Variants in PRLR observed in about 807,000 individuals in gnomAD.
PRLR encodes the protein prolactin receptor, also known as hPRL receptor.
A neutral mutation model predicts 40.2 loss-of-function variants in PRLR; 13 were observed. That is an observed-to-expected ratio of 0.32 (90% CI 0.21 to 0.51). The LOEUF (loss-of-function observed/expected upper bound fraction) is 0.51, where lower values mean the gene tolerates loss of function less well. PRLR is among the 20% of genes least tolerant of loss of function. The pLI, the probability that PRLR is intolerant of heterozygous loss-of-function variation, is 0.97. For missense variants in PRLR, 656 were observed against 747.3 expected (o/e 0.88, Z 1.42); for synonymous variants, 269 against 278.7 (o/e 0.97, Z 0.35).
rs1769831105 is a variant in PRLR, at chr5:35,072,709, C to T, written c.409G>A (p.Val137Ile). The T allele has an allele frequency of 6.2e-7, 1 of 1,614,064 alleles. No individual in the cohort carries two copies. Among genetic ancestry groups the T allele is most frequent in the Non-Finnish European group, 8.5e-7 (1 of 1,180,020 alleles). Reference sequence around the variant, plus strand: ...GGTTTTCTGTCTTCTGGCTGTTTTACTTCCACAGCCAGCTCCAAAGGAGGG... The same window carrying T: ...GGTTTTCTGTCTTCTGGCTGTTTTATTTCCACAGCCAGCTCCAAAGGAGGG... ...PDPPLELAVE[V>I]KQPEDRKPYL... The change falls in exon 6 of 10, where the codon GTA becomes ATA. Residue 137 changes from valine to isoleucine, a missense_variant. By Grantham distance (29) the Val-to-Ile change is conservative. Coordinates refer to ENST00000618457, the MANE Select transcript of PRLR (RefSeq NM_000949.7).
At chr5:35,094,839 T>C (rs1019297107) in intron 2 of PRLR, among the ~76,000 whole-genome samples, 1 of 150,198 alleles carries the variant, frequency 6.7e-6, no homozygotes, top group Non-Finnish European at 1.5e-5. Flanking sequence ...TTTTTTTTTT[T>C]TTTTTTGAGA....
In PRLR at chr5:35,057,504, T is replaced by C. The variant is rs1456974716; in HGVS notation, c.*7585A>G. The C allele has an allele frequency of 6.6e-6, 1 of 152,180 alleles. No individual in the cohort carries two copies. The highest frequency in any genetic ancestry group is 1.9e-4 in the East Asian group (1 of 5,196). 9.4% of individuals were successfully genotyped at this position (152,180 alleles called of 1,614,324 possible). A position where few individuals can be genotyped will look rare whatever the true frequency, so the allele number is the denominator to read the frequency against. ...AACTAACATATTATATTGGGATGTC[T>C]AAGATTTTGTTTGGCAGGCATTGGT... On this transcript the variant is annotated 3_prime_UTR_variant, in exon 10 of 10. Coordinates refer to ENST00000618457, the MANE Select transcript of PRLR (RefSeq NM_000949.7).
chr5:35,090,789 CTCTTTTTTTTTTT>C (rs1771150806), intron 2 of PRLR, among the ~76,000 whole-genome samples: 10 of 105,104 alleles, frequency 9.5e-5, no homozygotes, highest in African/African-American at 3.3e-4. Flanking sequence ...CATCAATTAG[CTCTTTTTTTTTTT>C]TTTTTTTTTT....
chr5:35,153,741 G>GCACACACTA (rs1299768769), intron 1 of PRLR, among the ~76,000 whole-genome samples: 3 of 143,454 alleles, frequency 2.1e-5, no homozygotes, highest in Non-Finnish European at 4.6e-5. Context: ...CACACACACT[G>GCACACACTA]CACACACTAC....
At chr5:35,169,517 T>G (rs1429730865) in intron 1 of PRLR, among the ~76,000 whole-genome samples, 2 of 152,198 alleles carry the variant, frequency 1.3e-5, no homozygotes, top group South Asian at 4.1e-4. Flanking sequence ...TGGTGGAAAC[T>G]GGATCCCTAC....
At chr5:35,128,643 G>C (rs1052264711) in intron 1 of PRLR, among the ~76,000 whole-genome samples, 1 of 151,922 alleles carries the variant, frequency 6.6e-6, no homozygotes, top group Non-Finnish European at 1.5e-5. Context: ...TCACAATAAA[G>C]CTGCTTAAAA....
chr5:35,165,473 G>T (rs1309671836), intron 1 of PRLR, among the ~76,000 whole-genome samples: 1 of 152,162 alleles, frequency 6.6e-6, no homozygotes, highest in African/African-American at 2.4e-5. Context: ...TTACACAAAG[G>T]TTCTTTAGGT....
At chr5:35,213,492 T>G (rs1391610149) in intron 1 of PRLR, among the ~76,000 whole-genome samples, 1 of 152,234 alleles carries the variant, frequency 6.6e-6, no homozygotes, top group Admixed American at 6.5e-5. Context: ...TACTGCTGTT[T>G]CTTTAGCTAT....
At chr5:35,113,122 C>G (rs1382417363) in intron 2 of PRLR, among the ~76,000 whole-genome samples, 1 of 151,496 alleles carries the variant, frequency 6.6e-6, no homozygotes, top group East Asian at 1.9e-4. Flanking sequence ...ATCAACCCGC[C>G]CACCCATTTA....
At chr5:35,211,567 T>A (rs912682294) in intron 1 of PRLR, among the ~76,000 whole-genome samples, 2 of 152,166 alleles carry the variant, frequency 1.3e-5, no homozygotes, top group African/African-American at 4.8e-5. Context: ...ACCATAATAA[T>A]GTAAAATCCC....
intron 1 of PRLR, among the ~76,000 whole-genome samples, chr5:35,188,754 A>G (rs1334281509): frequency 6.6e-6 from 1 of 152,244 alleles, no homozygotes; most frequent in Non-Finnish European, 1.5e-5. Flanking sequence ...TGGAATCTCA[A>G]TGCCGTCCAC....
chr5:35,137,704 G>A lies in PRLR; in HGVS notation c.-105-19582C>T, dbSNP rs183762769. The stretch of plus-strand genomic sequence containing the variant: ...AAGACAAGAAAAGAGATATGGAAAT[G>A]ACACTGTAGTGCTTGGGCTCTTTTA... On this transcript the variant is annotated intron_variant, in intron 1 of 9. Transcript: ENST00000618457. Among the ~76,000 whole-genome samples the A allele has an allele frequency of 2.5e-3, 387 of 152,366 alleles. 4 individuals are homozygous for A. Among genetic ancestry groups the A allele is most frequent in the Admixed American group, 4.4e-3 (67 of 15,306 alleles).
intron 2 of PRLR, among the ~76,000 whole-genome samples, chr5:35,092,745 T>C (rs987392658): frequency 2.0e-5 from 3 of 152,192 alleles, no homozygotes; most frequent in African/African-American, 7.2e-5. Context: ...CCACACATCC[T>C]GGGGACTATC....
downstream of PRLR, among the ~76,000 whole-genome samples, chr5:35,051,730 G>A (rs898604766): frequency 1.3e-5 from 2 of 152,160 alleles, no homozygotes; most frequent in Non-Finnish European, 2.9e-5. Context: ...AAATGAGAAG[G>A]AGAGAACTGT....
chr5:35,121,626 C>T (rs1156579304), intron 1 of PRLR, among the ~76,000 whole-genome samples: 1 of 152,204 alleles, frequency 6.6e-6, no homozygotes, highest in African/African-American at 2.4e-5. Context: ...TTACTAAGTT[C>T]TTAAAATATG....
At chr5:35,212,304 G>C (rs10052728) in intron 1 of PRLR, among the ~76,000 whole-genome samples, 90,040 of 152,164 alleles carry the variant, frequency 0.59, 27,460 homozygotes, top group Non-Finnish European at 0.67. Context: ...AAGCTGGTGA[G>C]TTAGCAGGTT....
intron 1 of PRLR, among the ~76,000 whole-genome samples, chr5:35,139,171 G>A (rs1189810760): frequency 6.6e-6 from 1 of 152,164 alleles, no homozygotes; most frequent in Non-Finnish European, 1.5e-5. Context: ...GTCTCACTCT[G>A]TCATCCAGGC....
At chr5:35,167,391 T>G (rs538535645) in intron 1 of PRLR, among the ~76,000 whole-genome samples, 16 of 152,182 alleles carry the variant, frequency 1.1e-4, no homozygotes, top group African/African-American at 3.4e-4. Flanking sequence ...GCTGCCAATA[T>G]GACTGAGTTT....
Position 35,064,440 on chromosome 5 carries a change from A to G in PRLR, c.*649T>C, listed in dbSNP as rs1243048935. 4.6e-5 allele frequency: 7 copies of G among 152,580 alleles called. No homozygotes were observed. The highest frequency in any genetic ancestry group is 4.6e-4 in the Admixed American group (7 of 15,284). 9.5% of individuals were successfully genotyped at this position (152,580 alleles called of 1,614,324 possible). ...TTTTTATTTCCAAACTATATTTTAT[A>G]GAAGCTTTAGAGTAGAATTTAGGGG... On this transcript the variant is annotated 3_prime_UTR_variant, in exon 10 of 10. Coordinates refer to ENST00000618457, the MANE Select transcript of PRLR (RefSeq NM_000949.7).
Sources: gnomAD v4.1 joint callset for allele counts (sites outside exome capture counted in the v4.1 genomes callset) on GRCh38, gnomAD v4.1.1 for gene constraint, MANE v1.5 for transcripts, NCBI Gene and HGNC (gene_info 2026-07-23, HGNC 2026-07-21) for gene names.